ARIH1: variants seen among roughly 807,000 people sequenced by gnomAD.
ARIH1 encodes the protein E3 ubiquitin-protein ligase ARIH1.
Under a neutral mutation model 85.0 loss-of-function variants are expected in ARIH1, and 8 were observed. The ratio of observed to expected loss-of-function variants is 0.09; its 90% CI spans 0.06 to 0.17. ARIH1 has a LOEUF of 0.17. ARIH1 is among the 10% of genes least tolerant of loss of function. The pLI, the probability that ARIH1 is intolerant of heterozygous loss-of-function variation, is 1.00. For missense variants in ARIH1, 311 were observed against 718.1 expected (o/e 0.43, Z 6.48); for synonymous variants, 238 against 253.6 (o/e 0.94, Z 0.59).
At chr15:72,522,153 G>A (rs1261735495) in intron 2 of ARIH1, among the ~76,000 whole-genome samples, 1 of 152,182 alleles carries the variant, frequency 6.6e-6, no homozygotes, top group Non-Finnish European at 1.5e-5. Context: ...ATACAAAGAT[G>A]AGATGTGGCT....
In ARIH1 at chr15:72,554,899, G is replaced by A. The variant is rs565286436; in HGVS notation, c.589-372G>A. Among the ~76,000 whole-genome samples the A allele has an allele frequency of 4.1e-4, 62 of 152,164 alleles. 1 individual carries two copies. The highest frequency in any genetic ancestry group is 1.3e-3 in the African/African-American group (54 of 41,510). ...CTCCCAAGTAGCTGGGACTACAGGC[G>A]TGCGTCATGATGGCTGACTCATTTT... On this transcript the variant is annotated intron_variant, in intron 3 of 13. Coordinates refer to ENST00000379887, the MANE Select transcript of ARIH1 (RefSeq NM_005744.5).
Position 72,474,807 on chromosome 15 carries a change from G to C in ARIH1, c.168G>C (p.Gly56=). Residue 56 remains glycine, a synonymous_variant, in exon 1 of 14, where the codon GGG becomes GGC. Coordinates refer to ENST00000379887, the MANE Select transcript of ARIH1 (RefSeq NM_005744.5). ...ELVEPGLGVG[G]ERDGLLCGET... ...TGGAGCCCGGGCTGGGCGTCGGCGG[G>C]GAGCGGGACGGACTGCTGTGCGGGG... 6.7e-7 allele frequency: 1 copy of C among 1,486,416 alleles called. No individual in the cohort carries two copies. The highest frequency in any genetic ancestry group is 9.0e-7 in the Non-Finnish European group (1 of 1,113,710). The allele number at this position is 1,486,416 out of a possible 1,614,324, so 92.1% of individuals were successfully genotyped here.
intron 2 of ARIH1, among the ~76,000 whole-genome samples, chr15:72,525,345 T>G (rs2064022662): frequency 6.6e-6 from 1 of 152,246 alleles, no homozygotes; most frequent in African/African-American, 2.4e-5. Flanking sequence ...GTGTATTAAC[T>G]CGTGATTTAG....
intron 11 of ARIH1, among the ~76,000 whole-genome samples, chr15:72,577,020 T>G (rs2064274555): frequency 1.3e-5 from 2 of 152,012 alleles, no homozygotes; most frequent in Admixed American, 1.3e-4. Context: ...TTTGCTCTTG[T>G]TACTCAGGCT....
intron 3 of ARIH1, among the ~76,000 whole-genome samples, chr15:72,546,740 T>TTTTG (rs1198291745): frequency 2.0e-5 from 3 of 151,408 alleles, no homozygotes; most frequent in Non-Finnish European, 4.4e-5. Context: ...TGTGTGTGTG[T>TTTTG]TTTGTTTGTT....
At position 72,478,553 on chromosome 15, in the gene ARIH1, G is replaced by A. The variant is rs148328498; in HGVS notation, c.375+3539G>A. On this transcript the variant is annotated intron_variant, in intron 1 of 13. Coordinates refer to ENST00000379887, the MANE Select transcript of ARIH1 (RefSeq NM_005744.5). ...ACAGTGTTCAGCAAATGTTGATTGTGCTTTCTAAGTATGCCAGGCATTATG... is the reference window on the plus strand; with the variant it reads ...ACAGTGTTCAGCAAATGTTGATTGTACTTTCTAAGTATGCCAGGCATTATG... Among the ~76,000 whole-genome samples, 23 of 152,288 alleles carry A rather than the reference G, an allele frequency of 1.5e-4. No homozygotes were observed. In the East Asian group the frequency reaches 4.4e-3, roughly 29 times the overall value.
chr15:72,514,414 C>T (rs1488902246), intron 1 of ARIH1, among the ~76,000 whole-genome samples: 3 of 152,092 alleles, frequency 2.0e-5, no homozygotes, highest in Non-Finnish European at 4.4e-5. Context: ...AAATAGTAAA[C>T]TCTTTCTTTT....
intron 11 of ARIH1, among the ~76,000 whole-genome samples, chr15:72,578,122 G>C (rs1001975669): frequency 6.6e-6 from 1 of 152,088 alleles, no homozygotes; most frequent in Non-Finnish European, 1.5e-5. Flanking sequence ...TAATTCCTCT[G>C]GTGTGGTGTC....
At chr15:72,488,488 A>G (rs1486068944) in intron 1 of ARIH1, among the ~76,000 whole-genome samples, 2 of 152,008 alleles carry the variant, frequency 1.3e-5, no homozygotes, top group Non-Finnish European at 2.9e-5. Context: ...TTCCTTATCT[A>G]TGTTTGAATA....
At chr15:72,479,004 A>T (rs567287836) in intron 1 of ARIH1, among the ~76,000 whole-genome samples, 141 of 151,770 alleles carry the variant, frequency 9.3e-4, no homozygotes, top group Non-Finnish European at 1.6e-3. Context: ...CTCCTAGCTA[A>T]TTTTTTTTCT....
chr15:72,563,188 C>T (rs2064204322), intron 6 of ARIH1, among the ~76,000 whole-genome samples: 1 of 152,102 alleles, frequency 6.6e-6, no homozygotes, highest in Non-Finnish European at 1.5e-5. Context: ...GTAGTCGGGA[C>T]TACAGGCACA....
At chr15:72,475,516 C>T (rs562399343) in intron 1 of ARIH1, among the ~76,000 whole-genome samples, 13 of 152,294 alleles carry the variant, frequency 8.5e-5, no homozygotes, top group African/African-American at 2.9e-4. Context: ...AGAAATGGAT[C>T]TTGGCAGTCT....
chr15:72,524,527 T>A (rs1177573882), intron 2 of ARIH1, among the ~76,000 whole-genome samples: 1 of 152,106 alleles, frequency 6.6e-6, no homozygotes, highest in African/African-American at 2.4e-5. Flanking sequence ...TTTACATACA[T>A]TTGAAAGCTT....
chr15:72,475,481 G>T (rs1367589329), intron 1 of ARIH1, among the ~76,000 whole-genome samples: 1 of 152,206 alleles, frequency 6.6e-6, no homozygotes, highest in East Asian at 1.9e-4. Context: ...GTGTACAGTT[G>T]CCCCAAGTGG....
chr15:72,519,494 T>TG (rs1301121712), intron 2 of ARIH1, among the ~76,000 whole-genome samples: 4 of 140,092 alleles, frequency 2.9e-5, no homozygotes, highest in African/African-American at 1.1e-4. Flanking sequence ...TTTTTTTTTT[T>TG]TTTTTTGAGA....
chr15:72,565,557 A>C (rs2064215720), intron 7 of ARIH1, among the ~76,000 whole-genome samples: 1 of 152,250 alleles, frequency 6.6e-6, no homozygotes, highest in Non-Finnish European at 1.5e-5. Flanking sequence ...AGTATGTGTA[A>C]AATACATACT....
Position 72,474,401 on chromosome 15 carries a change from T to A in ARIH1, c.-239T>A, listed in dbSNP as rs996394202. 35 of 540,952 alleles carry A rather than the reference T, an allele frequency of 6.5e-5. No individual in the cohort carries two copies. Among genetic ancestry groups the A allele is most frequent in the African/African-American group, 6.3e-4 (31 of 49,110 alleles). 33.5% of individuals were successfully genotyped at this position (540,952 alleles called of 1,614,324 possible). A position where few individuals can be genotyped will look rare whatever the true frequency, so the allele number is the denominator to read the frequency against. On this transcript the variant is annotated 5_prime_UTR_variant, in exon 1 of 14. Coordinates refer to ENST00000379887, the MANE Select transcript of ARIH1 (RefSeq NM_005744.5). ...TCTCGGAGGCCGGAGCGGAGCCGCG[T>A]CTGACTGAGGCGGGCAGCAAGCGGC...
chr15:72,582,251 C>T lies in ARIH1; in HGVS notation c.1589+64C>T. 8.8e-7 allele frequency: 1 copy of T among 1,130,254 alleles called. No individual in the cohort carries two copies. Among genetic ancestry groups the T allele is most frequent in the Non-Finnish European group, 1.3e-6 (1 of 765,870 alleles). The allele number at this position is 1,130,254 out of a possible 1,614,324, so 70.0% of individuals were successfully genotyped here. A position where few individuals can be genotyped will look rare whatever the true frequency, so the allele number is the denominator to read the frequency against. ...AGTGATGATCCTTACTGGTAAAGTT[C>T]AGTGATAGTGAAACTGGGTTTAGCA... On this transcript the variant is annotated intron_variant, in intron 13 of 13. Coordinates refer to ENST00000379887, the MANE Select transcript of ARIH1 (RefSeq NM_005744.5). The surrounding 1 kb of genome is among the most constrained non-coding windows in gnomAD (Gnocchi z 4.6).
In ARIH1 at chr15:72,582,826, T is replaced by C. The variant is rs2064300155; in HGVS notation, c.1590-382T>C. ...TTCCCTTAGCCAATTTTAGCTACCA[T>C]ATTTTGTTTACAGTACTTTTACAGT... is the stretch of plus-strand genomic sequence containing the variant. On this transcript the variant is annotated intron_variant, in intron 13 of 13. Transcript: ENST00000379887. This position sits in a 1 kb window ranked among gnomAD's most constrained non-coding sequence, Gnocchi z 4.6. Among the ~76,000 whole-genome samples the C allele has an allele frequency of 6.6e-6, 1 of 152,184 alleles. No individual in the cohort carries two copies. Among genetic ancestry groups the C allele is most frequent in the South Asian group, 2.1e-4 (1 of 4,830 alleles).
Sources: gnomAD v4.1 joint callset for allele counts (sites outside exome capture counted in the v4.1 genomes callset) on GRCh38, gnomAD v4.1.1 for gene constraint, Gnocchi (gnomAD v3.1) non-coding constraint, MANE v1.5 for transcripts, NCBI Gene and HGNC (gene_info 2026-07-23, HGNC 2026-07-21) for gene names.